KCNIP4: variants seen among roughly 807,000 people sequenced by gnomAD.
The protein encoded by KCNIP4 is potassium voltage-gated channel interacting protein 4.
In KCNIP4, 12 loss-of-function variants were observed where a neutral mutation model predicts 34.0. The ratio of observed to expected loss-of-function variants is 0.35; its 90% CI spans 0.23 to 0.57. The LOEUF is 0.57. KCNIP4 is among the 20% of genes least tolerant of loss of function. The pLI is 0.83. For synonymous variants in KCNIP4, 124 were observed against 102.2 expected (o/e 1.21, Z -1.29); for missense variants, 238 against 311.7 (o/e 0.76, Z 1.78).
intron 1 of KCNIP4, among the ~76,000 whole-genome samples, chr4:21,283,651 G>T (rs1411707564): frequency 2.8e-5 from 3 of 107,268 alleles, no homozygotes; most frequent in Non-Finnish European, 5.3e-5. Context: ...TCTATTTCAT[G>T]GGGAGGGGGG....
intron 3 of KCNIP4, among the ~76,000 whole-genome samples, chr4:20,797,923 A>G (rs7699983): frequency 0.01 from 1,574 of 152,320 alleles, 32 homozygotes; most frequent in African/African-American, 0.036. Flanking sequence ...TAACACAGTG[A>G]TGGTGTGCTG....
chr4:20,736,640 T>C (rs974752990), intron 5 of KCNIP4, among the ~76,000 whole-genome samples: 1 of 152,178 alleles, frequency 6.6e-6, no homozygotes, highest in African/African-American at 2.4e-5. Context: ...AAAATGATAA[T>C]AGATATTCTT....
chr4:21,616,507 C>T (rs939318337), intron 1 of KCNIP4, among the ~76,000 whole-genome samples: 2 of 152,190 alleles, frequency 1.3e-5, no homozygotes, highest in Non-Finnish European at 2.9e-5. Context: ...TGTCCTGGGG[C>T]TGTCGTAACA....
intron 1 of KCNIP4, among the ~76,000 whole-genome samples, chr4:21,413,949 C>A (rs1265655654): frequency 1.3e-5 from 2 of 152,226 alleles, no homozygotes; most frequent in African/African-American, 4.8e-5. Context: ...ACAGCTTCTG[C>A]AGAATAGACC....
At chr4:20,881,372 A>T (rs547118592) in intron 2 of KCNIP4, among the ~76,000 whole-genome samples, 2 of 152,330 alleles carry the variant, frequency 1.3e-5, no homozygotes, top group East Asian at 3.9e-4. Flanking sequence ...AAAATGGTGT[A>T]GCAGTATAAA....
chr4:21,901,888 C>A (rs1727723327), intron 1 of KCNIP4, among the ~76,000 whole-genome samples: 1 of 152,052 alleles, frequency 6.6e-6, no homozygotes, highest in African/African-American at 2.4e-5. Context: ...CTATTCCCTC[C>A]CCGATCCCAT....
intron 1 of KCNIP4, among the ~76,000 whole-genome samples, chr4:21,367,274 C>G (rs915832133): frequency 6.6e-6 from 1 of 152,096 alleles, no homozygotes; most frequent in African/African-American, 2.4e-5. Flanking sequence ...ACCTTTTGAC[C>G]AAATTAACAT....
chr4:21,285,057 G>C (rs1763032490), intron 1 of KCNIP4, among the ~76,000 whole-genome samples: 1 of 151,994 alleles, frequency 6.6e-6, no homozygotes, highest in Admixed American at 6.6e-5. Flanking sequence ...ACACATAAAT[G>C]TACAATATCC....
chr4:21,685,034 T>G (rs1750700936), intron 1 of KCNIP4, among the ~76,000 whole-genome samples: 1 of 152,210 alleles, frequency 6.6e-6, no homozygotes, highest in Non-Finnish European at 1.5e-5. Context: ...AGGAAATATC[T>G]TTTGGTAGGA....
chr4:21,395,463 T>C (rs1722906503), intron 1 of KCNIP4, among the ~76,000 whole-genome samples: 1 of 152,168 alleles, frequency 6.6e-6, no homozygotes, highest in South Asian at 2.1e-4. Context: ...CTTAGGTATA[T>C]AGGCCTCTAA....
intron 1 of KCNIP4, among the ~76,000 whole-genome samples, chr4:21,770,355 T>C (rs1215468331): frequency 6.6e-6 from 1 of 152,188 alleles, no homozygotes; most frequent in Admixed American, 6.6e-5. Context: ...ATTTTCTTTA[T>C]CCAGTCTATC....
At chr4:21,308,217 G>A (rs1030745878) in intron 1 of KCNIP4, among the ~76,000 whole-genome samples, 40 of 152,108 alleles carry the variant, frequency 2.6e-4, no homozygotes, top group East Asian at 5.8e-4. Flanking sequence ...CTTTGTCCTC[G>A]TTTGGATTAC....
At chr4:21,007,977 C>G in intron 1 of KCNIP4, among the ~76,000 whole-genome samples, 1 of 152,142 alleles carries the variant, frequency 6.6e-6, no homozygotes, top group South Asian at 2.1e-4. Flanking sequence ...ATGAGCCTCC[C>G]ATTTCATAGC....
intron 1 of KCNIP4, among the ~76,000 whole-genome samples, chr4:21,478,714 T>C (rs1731190698): frequency 6.6e-6 from 1 of 152,198 alleles, no homozygotes; most frequent in South Asian, 2.1e-4. Flanking sequence ...GGGAATGCAC[T>C]AATGATAAGC....
chr4:20,894,425 T>C (rs547949793), intron 1 of KCNIP4, among the ~76,000 whole-genome samples: 2 of 152,334 alleles, frequency 1.3e-5, no homozygotes, highest in African/African-American at 2.4e-5. Flanking sequence ...TCTTAGGTAT[T>C]GTCTAGGCTA....
intron 1 of KCNIP4, among the ~76,000 whole-genome samples, chr4:21,630,481 C>A (rs1203360552): frequency 4.0e-5 from 6 of 151,192 alleles, no homozygotes; most frequent in Non-Finnish European, 8.8e-5. Context: ...AAAAATCCTT[C>A]AGAATCCCAT....
chr4:21,390,194 G>A (rs1001895003), intron 1 of KCNIP4, among the ~76,000 whole-genome samples: 2 of 152,030 alleles, frequency 1.3e-5, no homozygotes, highest in African/African-American at 4.8e-5. Context: ...TGTAGATTCT[G>A]GATATTAGCC....
intron 1 of KCNIP4, among the ~76,000 whole-genome samples, chr4:20,926,696 T>C (rs1729928542): frequency 6.6e-6 from 1 of 152,188 alleles, no homozygotes; most frequent in African/African-American, 2.4e-5. Flanking sequence ...GGCACACTTG[T>C]GGGGCACTGG....
chr4:21,585,088 T>G (rs1394341262), intron 1 of KCNIP4, among the ~76,000 whole-genome samples: 1 of 152,072 alleles, frequency 6.6e-6, no homozygotes, highest in Admixed American at 6.6e-5. Flanking sequence ...ATAAACATTT[T>G]TGGAACATAT....
Sources: allele counts gnomAD v4.1 joint callset (sites outside exome capture counted in the v4.1 genomes callset), GRCh38; gene constraint gnomAD v4.1.1; transcripts MANE v1.5; gene names NCBI Gene and HGNC (gene_info 2026-07-23, HGNC 2026-07-21).